Variants in NR3C2 observed in about 807,000 individuals in gnomAD.
The protein encoded by NR3C2 is nuclear receptor subfamily 3 group C member 2, also known as mineralocorticoid receptor.
In NR3C2, 15 loss-of-function variants were observed where a neutral mutation model predicts 86.4. The ratio of observed to expected loss-of-function variants is 0.17; its 90% CI spans 0.12 to 0.27. NR3C2 has a LOEUF of 0.27. Ranked by LOEUF, NR3C2 falls within the 10% of genes least tolerant of loss-of-function variation. The pLI, the probability that NR3C2 is intolerant of heterozygous loss-of-function variation, is 1.00. For synonymous variants in NR3C2, 458 were observed against 450.5 expected (o/e 1.02, Z -0.21); for missense variants, 960 against 1,195.6 (o/e 0.80, Z 2.91).
intron 8 of NR3C2, among the ~76,000 whole-genome samples, chr4:148,104,373 T>C (rs910860010): frequency 6.7e-6 from 1 of 149,360 alleles, no homozygotes; most frequent in African/African-American, 2.5e-5. Context: ...GCATAATTTA[T>C]GTCCTCCCCT....
At chr4:148,160,224 G>A (rs1302172211) in intron 4 of NR3C2, among the ~76,000 whole-genome samples, 1 of 152,070 alleles carries the variant, frequency 6.6e-6, no homozygotes, top group African/African-American at 2.4e-5. Context: ...ATTGTTCCCC[G>A]AGGAACTGGC....
upstream of NR3C2, chr4:148,442,902 A>T: frequency 2.0e-6 from 2 of 985,328 alleles, no homozygotes; most frequent in Non-Finnish European, 1.2e-6. Flanking sequence ...GACGCGGAAG[A>T]AGTCGGTTTT....
chr4:148,442,312 T>G lies in NR3C2; in HGVS notation c.-155A>C, dbSNP rs1297635798. 2 of 152,448 alleles carry G rather than the reference T, an allele frequency of 1.3e-5. No homozygotes were observed. Among genetic ancestry groups the G allele is most frequent in the Non-Finnish European group, 2.9e-5 (2 of 68,240 alleles). The allele number at this position is 152,448 out of a possible 1,614,324, so 9.4% of individuals were successfully genotyped here. On this transcript the variant is annotated 5_prime_UTR_variant, in exon 1 of 9. Transcript: ENST00000358102. ...GCGGGAGAGCCCGAGGCAGCAACGCTCTTGCACCCAGGTGACTGACTGCAC... is the reference window on the plus strand; with the variant it reads ...GCGGGAGAGCCCGAGGCAGCAACGCGCTTGCACCCAGGTGACTGACTGCAC...
chr4:148,435,514 C>T lies in NR3C2; in HGVS notation c.1347G>A (p.Pro449=), dbSNP rs1388123576. 2.5e-6 allele frequency: 4 copies of T among 1,614,018 alleles called. No individual in the cohort carries two copies. The highest frequency in any genetic ancestry group is 1.3e-5 in the African/African-American group (1 of 75,020). Reference sequence around the variant, plus strand: ...AATACGAGCCATCCATAAATGGAAACGGGTTTACTGTTGGATTCCCTTTAA... The same window carrying T: ...AATACGAGCCATCCATAAATGGAAATGGGTTTACTGTTGGATTCCCTTTAA... ...TSFKGNPTVN[P]FPFMDGSYFS... Residue 449 remains proline (P), a synonymous_variant, in exon 2 of 9, where the codon CCG becomes CCA. Coordinates refer to ENST00000358102, the MANE Select transcript of NR3C2 (RefSeq NM_000901.5).
chr4:148,259,272 A>G (rs1033184190), intron 3 of NR3C2, among the ~76,000 whole-genome samples: 2 of 152,228 alleles, frequency 1.3e-5, no homozygotes, highest in Non-Finnish European at 2.9e-5. Flanking sequence ...CATAGTTTGC[A>G]ACATCAATAA....
rs1730464816 is a variant in NR3C2, at chr4:148,079,928, A to C, written c.*1416T>G. 6.6e-6 allele frequency: 1 copy of C among 152,316 alleles called. No individual in the cohort carries two copies. Among genetic ancestry groups the C allele is most frequent in the Non-Finnish European group, 1.5e-5 (1 of 68,042 alleles). The allele number at this position is 152,316 out of a possible 1,614,324, so 9.4% of individuals were successfully genotyped here. On this transcript the variant is annotated 3_prime_UTR_variant, in exon 9 of 9. Coordinates refer to ENST00000358102, the MANE Select transcript of NR3C2 (RefSeq NM_000901.5). ...TGCAGAACCTCTTTCCAAGATCAGA[A>C]GGGAATAGCTGATCTTTAACAGAGA... is the stretch of plus-strand genomic sequence containing the variant.
At chr4:148,197,561 T>C (rs72653862) in intron 3 of NR3C2, among the ~76,000 whole-genome samples, 15 of 152,152 alleles carry the variant, frequency 9.9e-5, no homozygotes, top group African/African-American at 3.4e-4. Context: ...GCCACTGTCT[T>C]ATGAACACAT....
intron 2 of NR3C2, among the ~76,000 whole-genome samples, chr4:148,380,989 A>G (rs1032679828): frequency 6.6e-6 from 1 of 152,116 alleles, no homozygotes; most frequent in Non-Finnish European, 1.5e-5. Context: ...AACTTTGGGA[A>G]GCTGAAGTGG....
chr4:148,086,180 G>A (rs1730803711), intron 8 of NR3C2, among the ~76,000 whole-genome samples: 1 of 152,130 alleles, frequency 6.6e-6, no homozygotes, highest in African/African-American at 2.4e-5. Context: ...AACAAAAAAT[G>A]AAAATTTCAG....
chr4:148,425,811 C>A (rs1175856522), intron 2 of NR3C2, among the ~76,000 whole-genome samples: 1 of 152,174 alleles, frequency 6.6e-6, no homozygotes. Flanking sequence ...ATCTCAAATA[C>A]CTGCTTCTTC....
chr4:148,379,887 A>G (rs1196593152), intron 2 of NR3C2, among the ~76,000 whole-genome samples: 2 of 152,082 alleles, frequency 1.3e-5, no homozygotes, highest in African/African-American at 2.4e-5. Flanking sequence ...ATATCAACTA[A>G]TCCTCTATCC....
At chr4:148,153,683 T>C (rs1734209994) in intron 5 of NR3C2, among the ~76,000 whole-genome samples, 2 of 152,174 alleles carry the variant, frequency 1.3e-5, no homozygotes, top group South Asian at 4.1e-4. Flanking sequence ...CTAAGTGATG[T>C]TTCTGTAGAT....
intron 2 of NR3C2, among the ~76,000 whole-genome samples, chr4:148,266,679 A>T (rs1471765214): frequency 6.6e-6 from 1 of 152,210 alleles, no homozygotes; most frequent in Non-Finnish European, 1.5e-5. Flanking sequence ...GAGTCAGGTC[A>T]CATGATCTTA....
At chr4:148,274,632 G>A (rs1312717996) in intron 2 of NR3C2, among the ~76,000 whole-genome samples, 1 of 151,778 alleles carries the variant, frequency 6.6e-6, no homozygotes, top group Non-Finnish European at 1.5e-5. Context: ...GGCCTCTCCA[G>A]TCATGCAGAA....
chr4:148,401,915 T>C (rs1016581568), intron 2 of NR3C2, among the ~76,000 whole-genome samples: 1 of 152,184 alleles, frequency 6.6e-6, no homozygotes, highest in Non-Finnish European at 1.5e-5. Context: ...CAGCTTTTCA[T>C]GAGTCAAAAC....
chr4:148,383,329 A>C (rs1035683974), intron 2 of NR3C2, among the ~76,000 whole-genome samples: 120 of 152,314 alleles, frequency 7.9e-4, no homozygotes, highest in African/African-American at 2.8e-3. Context: ...GTTTATATAA[A>C]ATCAAGACAA....
intron 2 of NR3C2, among the ~76,000 whole-genome samples, chr4:148,318,800 T>G (rs1423481004): frequency 1.3e-5 from 2 of 152,154 alleles, no homozygotes; most frequent in South Asian, 2.1e-4. Flanking sequence ...GAGTAGGTTG[T>G]GAAAATTTTC....
chr4:148,429,241 A>C (rs2126634648), intron 2 of NR3C2, among the ~76,000 whole-genome samples: 1 of 152,326 alleles, frequency 6.6e-6, no homozygotes, highest in East Asian at 1.9e-4. Context: ...TTACGAGCCA[A>C]ATTTCAGTTT....
At chr4:148,352,694 C>G (rs1031306052) in intron 2 of NR3C2, among the ~76,000 whole-genome samples, 1 of 152,122 alleles carries the variant, frequency 6.6e-6, no homozygotes, top group Non-Finnish European at 1.5e-5. Flanking sequence ...TACAATGAAA[C>G]CCAGTAGAGA....
Sources: gnomAD v4.1 joint callset for allele counts (sites outside exome capture counted in the v4.1 genomes callset) on GRCh38, gnomAD v4.1.1 for gene constraint, MANE v1.5 for transcripts, NCBI Gene and HGNC (gene_info 2026-07-23, HGNC 2026-07-21) for gene names.